TRAK2: variants seen among roughly 807,000 people sequenced by gnomAD.
TRAK2 encodes the protein trafficking kinesin protein 2.
In TRAK2, 81 loss-of-function variants were observed where a neutral mutation model predicts 104.6. That is an observed-to-expected ratio of 0.77 (90% CI 0.65 to 0.93). The LOEUF (loss-of-function observed/expected upper bound fraction) is 0.93. Among genes scored for constraint, TRAK2 ranks in the 40% least tolerant of loss-of-function variants. TRAK2 has a pLI of 0.00. For missense variants in TRAK2, 1,002 were observed against 1,089.0 expected (o/e 0.92, Z 1.12); for synonymous variants, 406 against 394.4 (o/e 1.03, Z -0.35).
chr2:201,438,235 T>C (rs1417342021), intron 1 of TRAK2, among the ~76,000 whole-genome samples: 1 of 152,236 alleles, frequency 6.6e-6, no homozygotes, highest in African/African-American at 2.4e-5. Flanking sequence ...TCCGAAGGTT[T>C]TGAAGACCAG....
Position 201,389,174 on chromosome 2 carries a change from G to A in TRAK2, c.1397+126C>T, listed in dbSNP as rs576480298. On this transcript the variant is annotated intron_variant, in intron 12 of 15. Transcript: ENST00000332624. ...TGAATAATGATACAAGGCATCATAA[G>A]TGAAGGAAAACTGACAGTTCCAGAA... 5.4e-4 allele frequency: 506 copies of A among 943,288 alleles called. 5 individuals are homozygous for A. In the South Asian group the frequency reaches 7.4e-3, roughly 14 times the overall value. 58.4% of individuals were successfully genotyped at this position (943,288 alleles called of 1,614,324 possible). A position where few individuals can be genotyped will look rare whatever the true frequency, so the allele number is the denominator to read the frequency against.
intron 1 of TRAK2, among the ~76,000 whole-genome samples, chr2:201,430,900 C>G (rs751510843): frequency 6.6e-6 from 1 of 152,170 alleles, no homozygotes; most frequent in African/African-American, 2.4e-5. Context: ...CTGTCTTCTG[C>G]GTCACTCACG....
At chr2:201,451,274 G>C (rs1309145556) in intron 1 of TRAK2, 76 bp downstream of exon 1, 2 of 152,340 alleles carry the variant, frequency 1.3e-5, no homozygotes, top group African/African-American at 4.8e-5. Flanking sequence ...GGAGGACCTT[G>C]GGACGAGGAG....
At chr2:201,439,950 G>A (rs1424296341) in intron 1 of TRAK2, among the ~76,000 whole-genome samples, 1 of 104,972 alleles carries the variant, frequency 9.5e-6, no homozygotes, top group South Asian at 4.4e-4. Context: ...GGGGGGAGGG[G>A]GGAGGGATAG....
rs775110204 is a variant in TRAK2, at chr2:201,447,320, A to C, written c.-200+4030T>G. On this transcript the variant is annotated intron_variant, in intron 1 of 15. Transcript: ENST00000332624. The surrounding 1 kb of genome is among the most constrained non-coding windows in gnomAD (Gnocchi z 4.1). ...AACCTCAATCACCTAACCACAGCTT[A>C]AAGGCTTTTTGTATGTCAACTTCTA... Among the ~76,000 whole-genome samples the C allele has an allele frequency of 1.3e-5, 2 of 152,188 alleles. No homozygotes were observed. Among genetic ancestry groups the C allele is most frequent in the African/African-American group, 2.4e-5 (1 of 41,460 alleles).
intron 1 of TRAK2, among the ~76,000 whole-genome samples, chr2:201,450,749 A>T (rs1285502226): frequency 6.6e-6 from 1 of 151,698 alleles, no homozygotes; most frequent in African/African-American, 2.4e-5. Context: ...CATGAGCAAG[A>T]GCAAGTAACA....
chr2:201,393,549 A>G (rs1951467571), intron 9 of TRAK2, among the ~76,000 whole-genome samples: 1 of 152,152 alleles, frequency 6.6e-6, no homozygotes, highest in South Asian at 2.1e-4. Flanking sequence ...CACATCTGAT[A>G]AAAGAGTACA....
intron 1 of TRAK2, among the ~76,000 whole-genome samples, chr2:201,423,897 C>A (rs1951764194): frequency 6.6e-6 from 1 of 152,066 alleles, no homozygotes; most frequent in African/African-American, 2.4e-5. Flanking sequence ...TAACTATTTT[C>A]TTGAAATATG....
intron 7 of TRAK2, among the ~76,000 whole-genome samples, chr2:201,396,251 C>T (rs1482886006): frequency 6.6e-6 from 1 of 152,100 alleles, no homozygotes; most frequent in African/African-American, 2.4e-5. Flanking sequence ...CAAGTCATTT[C>T]CTGTATTTTA....
chr2:201,411,757 A>G (rs769054777), intron 2 of TRAK2: 3 of 785,828 alleles, frequency 3.8e-6, no homozygotes, highest in Non-Finnish European at 7.0e-6. Flanking sequence ...TCAAGTACCA[A>G]CCACTTATCC....
At chr2:201,441,246 A>G (rs1410406626) in intron 1 of TRAK2, among the ~76,000 whole-genome samples, 1 of 152,224 alleles carries the variant, frequency 6.6e-6, no homozygotes, top group African/African-American at 2.4e-5. Flanking sequence ...TTTTATAGCA[A>G]TGACACACTA....
intron 8 of TRAK2, 44 bp from the exon 9 acceptor site, chr2:201,394,916 A>G (rs1471732367): frequency 6.8e-7 from 1 of 1,471,050 alleles, no homozygotes; most frequent in Non-Finnish European, 9.5e-7. Flanking sequence ...TTCCAAGTAA[A>G]ATATAGCTAT....
intron 6 of TRAK2, 59 bp downstream of exon 6, chr2:201,398,086 C>T: frequency 1.3e-6 from 2 of 1,514,556 alleles, no homozygotes; most frequent in South Asian, 2.3e-5. Flanking sequence ...TCAATAGTAC[C>T]TGGACCTGAA....
chr2:201,397,359 G>C (rs970553999), intron 7 of TRAK2, 143 bp downstream of exon 7: 1 of 562,320 alleles, frequency 1.8e-6, no homozygotes, highest in African/African-American at 1.9e-5. Flanking sequence ...TAGGCTCAAT[G>C]TGATATTCTA....
rs780760101 is a variant in TRAK2, at chr2:201,377,481, A to G, written c.*3062T>C. ...TGGCCCACTAAACACTAAGAGCCCT[A>G]GTTCTAGATGTCACAAGTTGATGTT... On this transcript the variant is annotated 3_prime_UTR_variant, in exon 16 of 16. Coordinates refer to ENST00000332624, the MANE Select transcript of TRAK2 (RefSeq NM_015049.3). 6 of 152,250 alleles carry G rather than the reference A, an allele frequency of 3.9e-5. No individual in the cohort carries two copies. The highest frequency in any genetic ancestry group is 7.3e-5 in the Non-Finnish European group (5 of 68,042). 9.4% of individuals were successfully genotyped at this position (152,250 alleles called of 1,614,324 possible). A position where few individuals can be genotyped will look rare whatever the true frequency, so the allele number is the denominator to read the frequency against.
chr2:201,412,595 AAAGT>A (rs1951657638), intron 2 of TRAK2: 2 of 1,476,328 alleles, frequency 1.4e-6, no homozygotes, highest in Admixed American at 3.4e-5. Flanking sequence ...CAGCTCACAT[AAAGT>A]ATGTATTCAG....
At chr2:201,431,784 C>T (rs1367163911) in intron 1 of TRAK2, among the ~76,000 whole-genome samples, 4 of 152,202 alleles carry the variant, frequency 2.6e-5, no homozygotes, top group South Asian at 2.1e-4. Context: ...GATTCTGGAA[C>T]TAGAGTGCCT....
At chr2:201,437,144 G>A in intron 1 of TRAK2, among the ~76,000 whole-genome samples, 1 of 151,992 alleles carries the variant, frequency 6.6e-6, no homozygotes, top group East Asian at 1.9e-4. Context: ...TGAACTTCAG[G>A]GCAAATAAGA....
intron 2 of TRAK2, among the ~76,000 whole-genome samples, chr2:201,419,898 T>A (rs1254689947): frequency 6.6e-6 from 1 of 152,224 alleles, no homozygotes; most frequent in Admixed American, 6.5e-5. Context: ...ATATGAGTAT[T>A]CAAACTAAAT....
Sources: gnomAD v4.1 joint callset for allele counts (sites outside exome capture counted in the v4.1 genomes callset) on GRCh38, gnomAD v4.1.1 for gene constraint, Gnocchi (gnomAD v3.1) non-coding constraint, MANE v1.5 for transcripts, NCBI Gene and HGNC (gene_info 2026-07-23, HGNC 2026-07-21) for gene names.